The following GAN variants were observed in gnomAD, a reference collection of about 807,000 sequenced individuals.
GAN encodes epididymis secretory sperm binding protein.
In GAN, 48 loss-of-function variants were observed where a neutral mutation model predicts 71.3. The observed-to-expected ratio is 0.67, with a 90% CI of 0.53 to 0.86. GAN has a LOEUF of 0.86. GAN is among the 40% of genes least tolerant of loss of function. GAN has a pLI of 0.00. For synonymous variants in GAN, 386 were observed against 276.8 expected (o/e 1.39, Z -3.92); for missense variants, 928 against 770.1 (o/e 1.21, Z -2.43).
At position 81,319,535 on chromosome 16, in the gene GAN, G is replaced by A. The variant is rs200557157; in HGVS notation, c.167+4255G>A. ...GTGCTTCTGCAGTGACATTATGGTG[G>A]CTCTGTACAGGTTTCCAGTCCTGTG... On this transcript the variant is annotated intron_variant, in intron 1 of 10. Coordinates refer to ENST00000648994, the MANE Select transcript of GAN (RefSeq NM_022041.4). Among the ~76,000 whole-genome samples the A allele has an allele frequency of 7.2e-5, 11 of 152,164 alleles. No individual in the cohort carries two copies. In the East Asian group the frequency reaches 1.9e-3, roughly 27 times the overall value.
rs998177238 is a variant in GAN at position 81,386,181 on chromosome 16, C to G, written c.*8585C>G. ...TACTTAGAGTTTGTTATAAATAACCCTCTGTTTAGAATTTGCCCAGTGAAA... is the reference window on the plus strand; with the variant it reads ...TACTTAGAGTTTGTTATAAATAACCGTCTGTTTAGAATTTGCCCAGTGAAA... On this transcript the variant is annotated 3_prime_UTR_variant, in exon 11 of 11. Coordinates refer to ENST00000648994, the MANE Select transcript of GAN (RefSeq NM_022041.4). The G allele has an allele frequency of 7.2e-5, 11 of 152,132 alleles. No individual in the cohort carries two copies. The highest frequency in any genetic ancestry group is 1.3e-4 in the Non-Finnish European group (9 of 68,022). The allele number at this position is 152,132 out of a possible 1,614,324, so 9.4% of individuals were successfully genotyped here. A position where few individuals can be genotyped will look rare whatever the true frequency, so the allele number is the denominator to read the frequency against.
chr16:81,365,735 A>C (rs768883475), intron 9 of GAN, among the ~76,000 whole-genome samples: 1 of 151,788 alleles, frequency 6.6e-6, no homozygotes, highest in Non-Finnish European at 1.5e-5. Context: ...GGCTCCCTAT[A>C]GCTTTTAGGA....
chr16:81,331,073 C>T (rs147819169), intron 1 of GAN, among the ~76,000 whole-genome samples: 8 of 152,264 alleles, frequency 5.3e-5, no homozygotes, highest in South Asian at 2.1e-4. Flanking sequence ...GGCATGGTGG[C>T]GCACACCTGT....
intron 9 of GAN, among the ~76,000 whole-genome samples, chr16:81,373,488 C>T (rs186077615): frequency 6.6e-6 from 1 of 152,284 alleles, no homozygotes; most frequent in East Asian, 1.9e-4. Flanking sequence ...AGAAAAGTTG[C>T]AGAAATAGTT....
chr16:81,360,602 C>G (rs957982209), intron 5 of GAN, among the ~76,000 whole-genome samples: 2 of 148,382 alleles, frequency 1.3e-5, no homozygotes, highest in African/African-American at 5.0e-5. Flanking sequence ...TCTACAAATT[C>G]TTGTCTTTTT....
At chr16:81,368,102 G>A (rs142068573) in intron 9 of GAN, among the ~76,000 whole-genome samples, 1 of 152,092 alleles carries the variant, frequency 6.6e-6, no homozygotes, top group Non-Finnish European at 1.5e-5. Context: ...AAAACTTTCT[G>A]GGAAAAAAGC....
rs1904485004 is a variant in GAN at position 81,388,957 on chromosome 16, T to C, written c.*11361T>C. 6.6e-6 allele frequency: 1 copy of C among 152,300 alleles called. No individual in the cohort carries two copies. Among genetic ancestry groups the C allele is most frequent in the Non-Finnish European group, 1.5e-5 (1 of 68,026 alleles). 9.4% of individuals were successfully genotyped at this position (152,300 alleles called of 1,614,324 possible). ...TTAGTCTAGCATATGCTCATTGAAA[T>C]TGACTTATGTTTTATTTTAAAAAAT... On this transcript the variant is annotated 3_prime_UTR_variant, in exon 11 of 11. Coordinates refer to ENST00000648994, the MANE Select transcript of GAN (RefSeq NM_022041.4).
At chr16:81,325,680 C>G (rs146747236) in intron 1 of GAN, among the ~76,000 whole-genome samples, 1 of 151,852 alleles carries the variant, frequency 6.6e-6, no homozygotes, top group Non-Finnish European at 1.5e-5. Context: ...TGGTGGGTCT[C>G]CAGAATTAAG....
chr16:81,319,884 G>A (rs1909170524), intron 1 of GAN, among the ~76,000 whole-genome samples: 1 of 152,190 alleles, frequency 6.6e-6, no homozygotes, highest in Admixed American at 6.5e-5. Context: ...AAGTTATGTA[G>A]CTCTATGCTA....
At chr16:81,375,277 C>G (rs1192503883) in intron 9 of GAN, among the ~76,000 whole-genome samples, 1 of 147,364 alleles carries the variant, frequency 6.8e-6, no homozygotes, top group Non-Finnish European at 1.5e-5. Flanking sequence ...AGACAGTAAA[C>G]CCAATTAAAA....
chr16:81,362,689 C>A, intron 6 of GAN, 78 bp downstream of exon 6: 1 of 856,426 alleles, frequency 1.2e-6, no homozygotes, highest in South Asian at 1.3e-5. Flanking sequence ...TGTCTGAGTT[C>A]AGGGAAGAAA....
intron 5 of GAN, 26 bp downstream of exon 5, chr16:81,357,957 TA>T: frequency 1.9e-6 from 3 of 1,598,146 alleles, no homozygotes; most frequent in Non-Finnish European, 1.7e-6. Context: ...AAATTTTCCT[TA>T]AACAGCAGAT....
chr16:81,338,074 G>T (rs1909823849), intron 1 of GAN, among the ~76,000 whole-genome samples: 1 of 152,160 alleles, frequency 6.6e-6, no homozygotes, highest in African/African-American at 2.4e-5. Flanking sequence ...TCAGCAGACG[G>T]GGCAGAGAGG....
intron 1 of GAN, among the ~76,000 whole-genome samples, chr16:81,331,255 C>A (rs776070923): frequency 7.2e-5 from 11 of 152,178 alleles, no homozygotes; most frequent in Non-Finnish European, 1.5e-4. Flanking sequence ...ATTAATTGAC[C>A]AGTGCACATC....
rs759128138 is a variant in GAN at position 81,362,631 on chromosome 16, GT to G, written c.1086+23del. ...AACGAGGTAAAACACTAGTTGGTTG[GT>G]TTGTTTGATGTGTTTCTCTTTCCCC... On this transcript the variant is annotated intron_variant, in intron 6 of 10. Coordinates refer to ENST00000648994, the MANE Select transcript of GAN (RefSeq NM_022041.4). 43 of 1,219,660 alleles carry G rather than the reference GT, an allele frequency of 3.5e-5. 2 individuals are homozygous for G. In the South Asian group the frequency reaches 4.8e-4, roughly 14 times the overall value. 75.6% of individuals were successfully genotyped at this position (1,219,660 alleles called of 1,614,324 possible).
intron 5 of GAN, among the ~76,000 whole-genome samples, chr16:81,358,621 A>G (rs1309866355): frequency 6.6e-6 from 1 of 152,048 alleles, no homozygotes; most frequent in Non-Finnish European, 1.5e-5. Context: ...AAAAAAAAGA[A>G]AAAAAAAGAG....
chr16:81,365,247 C>A (rs1910813132), intron 8 of GAN, 103 bp from the exon 9 acceptor site: 1 of 1,565,532 alleles, frequency 6.4e-7, no homozygotes, highest in African/African-American at 1.4e-5. Context: ...AAAGGAAGGC[C>A]CACGTAGTAA....
intron 3 of GAN, among the ~76,000 whole-genome samples, chr16:81,355,042 G>T (rs1407804387): frequency 2.6e-5 from 4 of 152,186 alleles, no homozygotes; most frequent in African/African-American, 9.7e-5. Context: ...TTAAGCTGGA[G>T]ATTATAGAAA....
intron 1 of GAN, among the ~76,000 whole-genome samples, chr16:81,325,254 C>T (rs996704312): frequency 6.6e-6 from 1 of 152,214 alleles, no homozygotes; most frequent in Non-Finnish European, 1.5e-5. Flanking sequence ...TTTACAGATA[C>T]TTCTAGCTGT....
Sources: gnomAD v4.1 joint callset for allele counts (sites outside exome capture counted in the v4.1 genomes callset) on GRCh38, gnomAD v4.1.1 for gene constraint, MANE v1.5 for transcripts, NCBI Gene and HGNC (gene_info 2026-07-23, HGNC 2026-07-21) for gene names.